ACAD11: variants seen among roughly 807,000 people sequenced by gnomAD.
The protein encoded by ACAD11 is acyl-Coenzyme A dehydrogenase family, member 11.
In ACAD11, 83 loss-of-function variants were observed where a neutral mutation model predicts 102.2. The ratio of observed to expected loss-of-function variants is 0.81; its 90% confidence interval spans 0.68 to 0.97. The LOEUF (loss-of-function observed/expected upper bound fraction) is 0.97. Among genes scored for constraint, ACAD11 ranks in the 50% least tolerant of loss-of-function variants. The pLI is 0.00. For missense variants in ACAD11, 901 were observed against 951.7 expected (o/e 0.95, Z 0.70); for synonymous variants, 324 against 319.8 (o/e 1.01, Z -0.14).
rs148983969 is a variant in ACAD11, at chr3:132,582,191, A to T, written c.1622-2633T>A. On this transcript the variant is annotated intron_variant, in intron 13 of 19. Coordinates refer to ENST00000264990, the MANE Select transcript of ACAD11 (RefSeq NM_032169.5). ...TAAGATAAATACGTTAAGAAAGAGC[A>T]GAGAGAGTTATGAGACAAATGAGTG... Among the ~76,000 whole-genome samples the T allele has an allele frequency of 6.0e-4, 91 of 152,150 alleles. 1 individual carries two copies. The highest frequency in any genetic ancestry group is 1.6e-3 in the African/African-American group (68 of 41,562).
At chr3:132,588,400 T>A (rs1937939292) in intron 13 of ACAD11, among the ~76,000 whole-genome samples, 1 of 152,190 alleles carries the variant, frequency 6.6e-6, no homozygotes, top group Admixed American at 6.6e-5. Context: ...AATATTTGAA[T>A]ACAAATATAC....
intron 1 of ACAD11, among the ~76,000 whole-genome samples, chr3:132,651,983 T>C (rs1445427123): frequency 6.6e-6 from 1 of 152,148 alleles, no homozygotes; most frequent in African/African-American, 2.4e-5. Flanking sequence ...AATAAGACTT[T>C]GGGGGACTGT....
intron 13 of ACAD11, among the ~76,000 whole-genome samples, chr3:132,588,004 T>A (rs1208403040): frequency 6.6e-6 from 1 of 152,140 alleles, no homozygotes; most frequent in Non-Finnish European, 1.5e-5. Context: ...GACACTCTCC[T>A]CTGGTTCCTC....
chr3:132,623,809 A>G (rs2107854621), intron 9 of ACAD11, among the ~76,000 whole-genome samples: 1 of 152,254 alleles, frequency 6.6e-6, no homozygotes, highest in South Asian at 2.1e-4. Flanking sequence ...GCTTATTCAC[A>G]TTTACCAATG....
rs1279914126 is a variant in ACAD11 at position 132,644,862 on chromosome 3, T to C, written c.184A>G (p.Lys62Glu). Residue 62 changes from lysine to glutamate, a missense_variant, in exon 2 of 20, where the codon AAG becomes GAG. Lys to Glu is a moderately conservative substitution (Grantham distance 56, BLOSUM62 1). Transcript: ENST00000264990. The stretch of plus-strand genomic sequence containing the variant: ...CTGAGCACATATGTTTGAAAGCCCT[T>C]CTGGAGATAAAAGGTTGGATTGGAC... The part of the protein sequence containing the change: ...GKSNPTFYLQ[K>E]GFQTYVLRKK... 6.2e-7 allele frequency: 1 copy of C among 1,612,226 alleles called. No individual in the cohort carries two copies. Among genetic ancestry groups the C allele is most frequent in the Non-Finnish European group, 8.5e-7 (1 of 1,179,378 alleles).
At chr3:132,635,173 T>A (rs1940229198) in intron 5 of ACAD11, among the ~76,000 whole-genome samples, 1 of 151,968 alleles carries the variant, frequency 6.6e-6, no homozygotes, top group South Asian at 2.1e-4. Flanking sequence ...ATGGCTGTGG[T>A]TACTTTAAGG....
At chr3:132,632,085 TA>T (rs140756184) in intron 5 of ACAD11, among the ~76,000 whole-genome samples, 12 of 130,850 alleles carry the variant, frequency 9.2e-5, no homozygotes, top group African/African-American at 3.6e-4. Flanking sequence ...TATATATATG[TA>T]TTTTTTTTTT....
chr3:132,571,950 G>A (rs1404130902), intron 17 of ACAD11, among the ~76,000 whole-genome samples: 1 of 152,122 alleles, frequency 6.6e-6, no homozygotes, highest in Non-Finnish European at 1.5e-5. Context: ...CAAAACCACA[G>A]CAAACATCAT....
intron 17 of ACAD11, among the ~76,000 whole-genome samples, chr3:132,574,244 A>G (rs1937460936): frequency 6.6e-6 from 1 of 152,194 alleles, no homozygotes. Context: ...GCTTGACAAA[A>G]GGGTAAGAAG....
chr3:132,580,031 G>C (rs1410578167), intron 13 of ACAD11, among the ~76,000 whole-genome samples: 3 of 152,008 alleles, frequency 2.0e-5, no homozygotes, highest in Non-Finnish European at 4.4e-5. Context: ...TCAGGGGTCT[G>C]TGGCAATTGC....
At chr3:132,579,638 C>A in intron 13 of ACAD11, 80 bp from the exon 14 acceptor site, 2 of 1,088,934 alleles carry the variant, frequency 1.8e-6, no homozygotes, top group South Asian at 1.3e-5. Context: ...CTAATCCTTC[C>A]CACTTTACCT....
Position 132,659,601 on chromosome 3 carries a change from A to G in ACAD11, c.149+2T>C, listed in dbSNP as rs2107919040. ...GCTGGAGGCAAAGGCTGACATCCAT[A>G]CCTGTACTGGGCAATGGTCAGCGTA... On this transcript the variant is annotated splice_donor_variant, in intron 1 of 19. Transcript: ENST00000264990. LOFTEE classifies it high-confidence loss of function. 7 of 1,611,466 alleles carry G rather than the reference A, an allele frequency of 4.3e-6. No individual in the cohort carries two copies. The highest frequency in any genetic ancestry group is 5.9e-6 in the Non-Finnish European group (7 of 1,178,930).
intron 8 of ACAD11, among the ~76,000 whole-genome samples, chr3:132,627,987 G>T (rs1939892128): frequency 6.6e-6 from 1 of 152,088 alleles, no homozygotes; most frequent in South Asian, 2.1e-4. Flanking sequence ...CAGTGGAAAA[G>T]AACAATATTT....
intron 11 of ACAD11, among the ~76,000 whole-genome samples, chr3:132,605,751 G>A (rs746542153): frequency 5.9e-5 from 9 of 152,160 alleles, no homozygotes; most frequent in Admixed American, 1.3e-4. Context: ...CCTCTGCAAA[G>A]AATCTCTGAT....
At chr3:132,629,303 C>T (rs13088369) in intron 7 of ACAD11, among the ~76,000 whole-genome samples, 2 of 152,114 alleles carry the variant, frequency 1.3e-5, no homozygotes, top group Non-Finnish European at 2.9e-5. Flanking sequence ...GGACTACAGG[C>T]CCACATGCCG....
chr3:132,606,179 T>G lies in ACAD11; in HGVS notation c.1415-974A>C, dbSNP rs117177490. ...ATCAACATTTACAATGACTTTAAGG[T>G]TAGTTACTGAAATGCTTATGAAAAT... On this transcript the variant is annotated intron_variant, in intron 11 of 19. Coordinates refer to ENST00000264990, the MANE Select transcript of ACAD11 (RefSeq NM_032169.5). 7.7e-4 allele frequency among the ~76,000 whole-genome samples: 118 copies of G among 152,324 alleles called. No individual in the cohort carries two copies. In the South Asian group the frequency reaches 0.014, roughly 18 times the overall value.
chr3:132,604,131 G>A (rs558954626), intron 12 of ACAD11, among the ~76,000 whole-genome samples: 63 of 152,114 alleles, frequency 4.1e-4, no homozygotes, highest in Non-Finnish European at 1.9e-4. Flanking sequence ...GTAGTCCCCT[G>A]TTATCTGTAG....
At chr3:132,626,181 T>C (rs1427040401) in intron 9 of ACAD11, among the ~76,000 whole-genome samples, 3 of 152,176 alleles carry the variant, frequency 2.0e-5, no homozygotes, top group Non-Finnish European at 4.4e-5. Context: ...AAGTACCCAA[T>C]AATTATTTGG....
chr3:132,612,405 C>G (rs1939195561), intron 11 of ACAD11, among the ~76,000 whole-genome samples: 1 of 151,908 alleles, frequency 6.6e-6, no homozygotes, highest in Non-Finnish European at 1.5e-5. Context: ...AGCTTCTGCA[C>G]AGCAAAAGAA....
Sources: allele counts gnomAD v4.1 joint callset (sites outside exome capture counted in the v4.1 genomes callset), GRCh38; gene constraint gnomAD v4.1.1; transcripts MANE v1.5; gene names NCBI Gene and HGNC (gene_info 2026-07-23, HGNC 2026-07-21).